FSTL4: variants seen among roughly 807,000 people sequenced by gnomAD.
The protein encoded by FSTL4 is follistatin like 4.
A neutral mutation model predicts 78.2 loss-of-function variants in FSTL4; 28 were observed. That is an observed-to-expected ratio of 0.36 (90% confidence interval 0.27 to 0.49). The LOEUF (loss-of-function observed/expected upper bound fraction) is 0.49, where lower values mean the gene tolerates loss of function less well. Ranked by LOEUF, FSTL4 falls within the 20% of genes least tolerant of loss-of-function variation. The pLI is 0.98. For missense variants in FSTL4, 922 were observed against 1,084.9 expected, an observed-to-expected ratio of 0.85 and a Z score of 2.11; for synonymous variants, 422 against 440.5, an observed-to-expected ratio of 0.96 and a Z score of 0.53.
At chr5:133,433,532 C>G (rs1756980988) in intron 3 of FSTL4, among the ~76,000 whole-genome samples, 1 of 152,152 alleles carries the variant, frequency 6.6e-6, no homozygotes. Context: ...GCATTTATTG[C>G]CTACTAAGTG....
At chr5:133,700,739 G>T in the FSTL4 span, among the ~76,000 whole-genome samples, 1 of 152,216 alleles carries the variant, frequency 6.6e-6, no homozygotes, top group Non-Finnish European at 1.5e-5. Context: ...CAGGGCCTCG[G>T]GTTTCTCATC....
intron 4 of FSTL4, among the ~76,000 whole-genome samples, chr5:133,333,092 G>T (rs1754385401): frequency 6.6e-6 from 1 of 152,138 alleles, no homozygotes; most frequent in Admixed American, 6.5e-5. Context: ...GGATCTGGGT[G>T]TGCATCCCAG....
the FSTL4 span, among the ~76,000 whole-genome samples, chr5:133,687,538 C>T: frequency 2.0e-5 from 3 of 152,190 alleles, no homozygotes; most frequent in East Asian, 1.9e-4. Context: ...CTTTACAGGG[C>T]GTCAGTTAAA....
chr5:133,453,662 G>A (rs568277383), intron 3 of FSTL4, among the ~76,000 whole-genome samples: 10 of 152,314 alleles, frequency 6.6e-5, no homozygotes, highest in African/African-American at 2.4e-4. Flanking sequence ...ACCTCCTAGT[G>A]GGTCTGTGGC....
intron 3 of FSTL4, among the ~76,000 whole-genome samples, chr5:133,428,730 C>T (rs1756878573): frequency 6.6e-6 from 1 of 152,216 alleles, no homozygotes; most frequent in Non-Finnish European, 1.5e-5. Flanking sequence ...TGAGGGCTCT[C>T]TCATCCTGGA....
At chr5:133,251,757 C>T (rs1201955176) in intron 6 of FSTL4, among the ~76,000 whole-genome samples, 1 of 152,202 alleles carries the variant, frequency 6.6e-6, no homozygotes, top group Non-Finnish European at 1.5e-5. Flanking sequence ...GACCGAACCC[C>T]TGGTGTTCAG....
At chr5:133,378,642 T>C (rs1755498068) in intron 4 of FSTL4, among the ~76,000 whole-genome samples, 1 of 152,122 alleles carries the variant, frequency 6.6e-6, no homozygotes, top group Admixed American at 6.6e-5. Context: ...AAGTGTAAAA[T>C]ACATATAGGA....
the FSTL4 span, among the ~76,000 whole-genome samples, chr5:133,808,832 T>TA: frequency 1.3e-5 from 2 of 151,752 alleles, no homozygotes; most frequent in Non-Finnish European, 2.9e-5. Flanking sequence ...AGGGCAAATG[T>TA]ACCCTTCACT....
intron 3 of FSTL4, among the ~76,000 whole-genome samples, chr5:133,554,068 G>A (rs1401778827): frequency 6.6e-6 from 1 of 152,234 alleles, no homozygotes; most frequent in African/African-American, 2.4e-5. Flanking sequence ...GTGACCCTGT[G>A]GGGCCTTTGA....
chr5:133,737,450 C>T, the FSTL4 span, among the ~76,000 whole-genome samples: 18 of 152,260 alleles, frequency 1.2e-4, no homozygotes, highest in South Asian at 8.3e-4. Flanking sequence ...TTCATTTTTA[C>T]GGCTGAATAG....
chr5:133,706,930 C>T, the FSTL4 span, among the ~76,000 whole-genome samples: 39 of 152,264 alleles, frequency 2.6e-4, no homozygotes, highest in African/African-American at 7.9e-4. Flanking sequence ...ACTGGGCTCT[C>T]GGGAGGCCAC....
the FSTL4 span, among the ~76,000 whole-genome samples, chr5:133,794,686 A>G: frequency 6.6e-6 from 1 of 152,240 alleles, no homozygotes; most frequent in Non-Finnish European, 1.5e-5. Context: ...TAGTTCTATC[A>G]GTGGGCAAAT....
chr5:133,452,939 T>C (rs1757412862), intron 3 of FSTL4, among the ~76,000 whole-genome samples: 1 of 152,274 alleles, frequency 6.6e-6, no homozygotes, highest in Admixed American at 6.5e-5. Context: ...AACAACTCTA[T>C]GAAGCAACTG....
chr5:133,384,870 T>C (rs1348381219), intron 4 of FSTL4, among the ~76,000 whole-genome samples: 1 of 152,204 alleles, frequency 6.6e-6, no homozygotes, highest in African/African-American at 2.4e-5. Context: ...CCCTAAACTC[T>C]ATATTTGGAG....
At chr5:133,483,857 T>C (rs528465106) in intron 3 of FSTL4, among the ~76,000 whole-genome samples, 1 of 152,330 alleles carries the variant, frequency 6.6e-6, no homozygotes, top group South Asian at 2.1e-4. Flanking sequence ...GGCAAGGCCT[T>C]GCCCAGCATT....
In FSTL4 at chr5:133,473,473, G is replaced by A. The variant is rs1287035589; in HGVS notation, c.161-72487C>T. On this transcript the variant is annotated intron_variant, in intron 3 of 15. Transcript: ENST00000265342. ...ACCACTTCGACAGCCATCAGCACAC[G>A]CTGCAGCACCACACATGCAGTGTGT... 3.3e-5 allele frequency among the ~76,000 whole-genome samples: 5 copies of A among 152,240 alleles called. No individual in the cohort carries two copies. In the East Asian group the frequency reaches 7.8e-4, roughly 24 times the overall value.
At chr5:133,406,506 C>T (rs1051384043) in intron 3 of FSTL4, among the ~76,000 whole-genome samples, 1 of 152,158 alleles carries the variant, frequency 6.6e-6, no homozygotes, top group Non-Finnish European at 1.5e-5. Context: ...AGAGAGCAGC[C>T]CTCTCTGAGC....
chr5:133,579,076 G>A (rs1760344861), intron 2 of FSTL4, among the ~76,000 whole-genome samples: 1 of 152,170 alleles, frequency 6.6e-6, no homozygotes. Flanking sequence ...ACTGACACTA[G>A]CAGGGCTCAG....
chr5:133,460,186 A>G (rs575153821), intron 3 of FSTL4, among the ~76,000 whole-genome samples: 1 of 152,014 alleles, frequency 6.6e-6, no homozygotes, highest in East Asian at 1.9e-4. Flanking sequence ...GTGTACTTTC[A>G]TTTTCAGTAC....
Sources: gnomAD v4.1 joint callset for allele counts (sites outside exome capture counted in the v4.1 genomes callset) on GRCh38, gnomAD v4.1.1 for gene constraint, MANE v1.5 for transcripts, NCBI Gene and HGNC (gene_info 2026-07-23, HGNC 2026-07-21) for gene names.